The following ADAMTSL1 variants were observed in gnomAD, a reference collection of about 807,000 sequenced individuals.
ADAMTSL1 encodes the protein ADAMTS-like protein 1.
Under a neutral mutation model 201.8 loss-of-function variants are expected in ADAMTSL1, and 126 were observed. The observed-to-expected ratio is 0.62, with a 90% CI of 0.54 to 0.72. The LOEUF is 0.72. Ranked by LOEUF, ADAMTSL1 falls within the 30% of genes least tolerant of loss-of-function variation. ADAMTSL1 has a pLI of 0.00. For missense variants in ADAMTSL1, 2,679 were observed against 2,277.8 expected, an observed-to-expected ratio of 1.18 and a Z score of -3.59; for synonymous variants, 1,121 against 903.4, an observed-to-expected ratio of 1.24 and a Z score of -4.32.
At chr9:17,924,591 C>T (rs1387684635) in intron 1 of ADAMTSL1, among the ~76,000 whole-genome samples, 1 of 149,602 alleles carries the variant, frequency 6.7e-6, no homozygotes, top group African/African-American at 2.5e-5. Context: ...CTGAGAAAAA[C>T]AAGCAATGGG....
chr9:17,950,126 C>T (rs886405839), intron 1 of ADAMTSL1, among the ~76,000 whole-genome samples: 18 of 151,998 alleles, frequency 1.2e-4, no homozygotes, highest in Admixed American at 5.9e-4. Context: ...TACCATGTCT[C>T]GAACTCCTGG....
At chr9:18,578,135 G>C (rs897204974) in intron 4 of ADAMTSL1, among the ~76,000 whole-genome samples, 20 of 152,114 alleles carry the variant, frequency 1.3e-4, no homozygotes, top group Non-Finnish European at 2.5e-4. Context: ...GTTAATGACA[G>C]ACTAGAAGGC....
chr9:18,604,438 C>G (rs1824874431), intron 4 of ADAMTSL1, among the ~76,000 whole-genome samples: 1 of 152,174 alleles, frequency 6.6e-6, no homozygotes, highest in South Asian at 2.1e-4. Context: ...CTTCCTAACC[C>G]CCAGTAATCA....
chr9:17,982,437 A>T (rs1563932374), intron 1 of ADAMTSL1, among the ~76,000 whole-genome samples: 2 of 151,808 alleles, frequency 1.3e-5, no homozygotes, highest in Admixed American at 1.3e-4. Flanking sequence ...ACATGGTGAA[A>T]CCCCGTCTCT....
intron 23 of ADAMTSL1, among the ~76,000 whole-genome samples, chr9:18,842,210 T>A (rs535576745): frequency 6.6e-6 from 1 of 152,222 alleles, no homozygotes; most frequent in Non-Finnish European, 1.5e-5. Flanking sequence ...CTGCTTTGAA[T>A]GTGTTCAAGA....
At chr9:18,129,209 T>C (rs1369831607) in intron 1 of ADAMTSL1, among the ~76,000 whole-genome samples, 3 of 152,212 alleles carry the variant, frequency 2.0e-5, no homozygotes, top group African/African-American at 7.2e-5. Context: ...CAATTCTGAC[T>C]GGTGTTAAAC....
intron 2 of ADAMTSL1, among the ~76,000 whole-genome samples, chr9:18,206,687 A>G (rs1484978857): frequency 6.6e-6 from 1 of 152,136 alleles, no homozygotes; most frequent in Non-Finnish European, 1.5e-5. Flanking sequence ...TTAAAAAAAT[A>G]TTTGTTGATG....
At chr9:18,575,918 T>C (rs1822689035) in intron 4 of ADAMTSL1, among the ~76,000 whole-genome samples, 1 of 152,040 alleles carries the variant, frequency 6.6e-6, no homozygotes, top group East Asian at 1.9e-4. Context: ...TGCATGGGAG[T>C]TCAACGTGGC....
At chr9:18,716,823 G>C (rs1433843034) in intron 14 of ADAMTSL1, among the ~76,000 whole-genome samples, 4 of 139,426 alleles carry the variant, frequency 2.9e-5, no homozygotes, top group Middle Eastern at 3.6e-3. Flanking sequence ...CAATAGCAAA[G>C]ACTTGGAACC....
intron 2 of ADAMTSL1, among the ~76,000 whole-genome samples, chr9:18,248,274 A>C (rs1242867422): frequency 1.3e-5 from 2 of 152,142 alleles, no homozygotes; most frequent in African/African-American, 4.8e-5. Context: ...GCTCACGTGT[A>C]CCCCATCCTT....
intron 23 of ADAMTSL1, among the ~76,000 whole-genome samples, chr9:18,867,959 A>C (rs1827647635): frequency 6.6e-6 from 1 of 152,188 alleles, no homozygotes; most frequent in African/African-American, 2.4e-5. Flanking sequence ...CAATTTTAAC[A>C]GACACACACC....
chr9:18,881,885 A>G (rs1049042868), intron 23 of ADAMTSL1, among the ~76,000 whole-genome samples: 1 of 152,142 alleles, frequency 6.6e-6, no homozygotes, highest in African/African-American at 2.4e-5. Flanking sequence ...TCTCTACCCT[A>G]TTCTCATCTG....
rs1819382326 is a variant in ADAMTSL1, at chr9:17,996,381, A to G, written c.87+89459A>G. Among the ~76,000 whole-genome samples the G allele has an allele frequency of 3.9e-5, 6 of 152,114 alleles. No homozygotes were observed. In the South Asian group the frequency reaches 1.2e-3, roughly 32 times the overall value. On this transcript the variant is annotated intron_variant, in intron 1 of 29. Coordinates refer to the ADAMTSL1 transcript ENST00000680146. Reference sequence around the variant, plus strand: ...GAGAAGATGGGTTTGGGGATAGCAGAGACCTTTTCAGTATAAGGTGAGGGT... The same window carrying G: ...GAGAAGATGGGTTTGGGGATAGCAGGGACCTTTTCAGTATAAGGTGAGGGT...
chr9:18,862,944 T>C (rs769041603), intron 23 of ADAMTSL1, among the ~76,000 whole-genome samples: 13 of 152,216 alleles, frequency 8.5e-5, no homozygotes, highest in East Asian at 1.9e-4. Flanking sequence ...GAAGGACTTA[T>C]GGGAACCCTG....
In ADAMTSL1 at chr9:18,228,159, T is replaced by C. The variant is rs549354538; in HGVS notation, c.207+64178T>C. On this transcript the variant is annotated intron_variant, in intron 2 of 29. Transcript: ENST00000680146. ...TTGGAGGATACAAAACCTTTTTCCA[T>C]AGAGAGAGGATGTTGGCTTCTGCAC... is the stretch of plus-strand genomic sequence containing the variant. Among the ~76,000 whole-genome samples, 293 of 152,294 alleles carry C rather than the reference T, an allele frequency of 1.9e-3. 1 individual carries two copies. The highest frequency in any genetic ancestry group is 3.2e-3 in the Non-Finnish European group (215 of 68,016).
chr9:18,692,494 G>C (rs1405781252), intron 13 of ADAMTSL1, among the ~76,000 whole-genome samples: 1 of 152,154 alleles, frequency 6.6e-6, no homozygotes, highest in African/African-American at 2.4e-5. Flanking sequence ...GAGCCCTAGA[G>C]AGTGACAAAG....
intron 1 of ADAMTSL1, among the ~76,000 whole-genome samples, chr9:18,502,863 A>G (rs1822914341): frequency 6.6e-6 from 1 of 152,154 alleles, no homozygotes; most frequent in Admixed American, 6.5e-5. Context: ...GTGCCTTATC[A>G]GTGTACCTCC....
chr9:18,517,504 G>A (rs1788354730), intron 2 of ADAMTSL1, among the ~76,000 whole-genome samples: 1 of 151,162 alleles, frequency 6.6e-6, no homozygotes, highest in South Asian at 2.1e-4. Flanking sequence ...TGCCATGCTG[G>A]TGCGCTGCAC....
rs180726741 is a variant in ADAMTSL1 at position 18,122,826 on chromosome 9, C to T, written c.88-41036C>T. Among the ~76,000 whole-genome samples, 18 of 152,142 alleles carry T rather than the reference C, an allele frequency of 1.2e-4. No homozygotes were observed. In the East Asian group the frequency reaches 3.5e-3, roughly 30 times the overall value. ...GACTAGGTCTCACTGTAGCCTCAAC[C>T]TCCCCAGGCTCAGGCGATCCTCCCA... On this transcript the variant is annotated intron_variant, in intron 1 of 29. Transcript: ENST00000680146.
Sources: allele counts gnomAD v4.1 joint callset (sites outside exome capture counted in the v4.1 genomes callset), GRCh38; gene constraint gnomAD v4.1.1; transcripts MANE v1.5; gene names NCBI Gene and HGNC (gene_info 2026-07-23, HGNC 2026-07-21).